Variants in NHLRC2 observed in about 807,000 individuals in gnomAD.
NHLRC2 encodes the protein NHL repeat containing 2.
NHLRC2 carries 33 observed loss-of-function variants against 68.1 expected under a neutral mutation model. The ratio of observed to expected loss-of-function variants is 0.48; its 90% CI spans 0.37 to 0.65. The LOEUF (loss-of-function observed/expected upper bound fraction) is 0.65, where lower values mean the gene tolerates loss of function less well. NHLRC2 is among the 30% of genes least tolerant of loss of function. The probability of loss-of-function intolerance (pLI) is 0.00; values close to 1 mark genes in which losing one functional copy is unlikely to be tolerated. For missense variants in NHLRC2, 761 were observed against 853.8 expected (o/e 0.89, Z 1.35); for synonymous variants, 311 against 309.6 (o/e 1.00, Z -0.05).
intron 1 of NHLRC2, among the ~76,000 whole-genome samples, chr10:113,856,740 A>AT (rs1020927587): frequency 1.7e-4 from 26 of 152,196 alleles, no homozygotes; most frequent in Non-Finnish European, 3.1e-4. Context: ...ACACAGTATG[A>AT]TTTTCTCCTG....
chr10:113,856,668 A>T (rs1443523262), intron 1 of NHLRC2, among the ~76,000 whole-genome samples: 3 of 152,060 alleles, frequency 2.0e-5, no homozygotes, highest in African/African-American at 7.2e-5. Flanking sequence ...TTCCCATGAG[A>T]TTTGACCTCT....
intron 2 of NHLRC2, among the ~76,000 whole-genome samples, chr10:113,868,652 GT>G (rs1376630726): frequency 6.6e-6 from 1 of 152,162 alleles, no homozygotes; most frequent in Non-Finnish European, 1.5e-5. Context: ...TATGTAATTA[GT>G]AGGCATTATA....
At chr10:113,879,727 TACAATC>T (rs1846020064) in intron 4 of NHLRC2, 32 bp downstream of exon 4, 1 of 1,337,868 alleles carries the variant, frequency 7.5e-7, no homozygotes, top group African/African-American at 1.5e-5. Flanking sequence ...TTTTAATACT[TACAATC>T]AGAAAAAGGA....
At chr10:113,873,687 A>G (rs771158782) in intron 2 of NHLRC2, among the ~76,000 whole-genome samples, 27 of 152,204 alleles carry the variant, frequency 1.8e-4, no homozygotes, top group Non-Finnish European at 3.4e-4. Flanking sequence ...GATGGATATA[A>G]AGTAGCAGAG....
chr10:113,900,752 C>T (rs546325799), intron 6 of NHLRC2, among the ~76,000 whole-genome samples: 13 of 152,258 alleles, frequency 8.5e-5, no homozygotes, highest in Admixed American at 4.6e-4. Flanking sequence ...ATATTTTATG[C>T]GTGCTAAATC....
chr10:113,907,364 G>A (rs1464058281), intron 10 of NHLRC2, among the ~76,000 whole-genome samples: 1 of 152,204 alleles, frequency 6.6e-6, no homozygotes, highest in Non-Finnish European at 1.5e-5. Flanking sequence ...CACTCAGTAG[G>A]TGGTCCAGTT....
chr10:113,884,857 G>A (rs1846067524), intron 5 of NHLRC2, among the ~76,000 whole-genome samples: 1 of 151,630 alleles, frequency 6.6e-6, no homozygotes, highest in African/African-American at 2.4e-5. Flanking sequence ...ATTAAAGTAT[G>A]ATAACTTCTT....
At chr10:113,900,717 TTA>T (rs1478276045) in intron 6 of NHLRC2, among the ~76,000 whole-genome samples, 1 of 152,222 alleles carries the variant, frequency 6.6e-6, no homozygotes, top group Non-Finnish European at 1.5e-5. Flanking sequence ...CTTGCTATGT[TTA>T]TATGTTTCTT....
chr10:113,885,344 A>G (rs1846071830), intron 5 of NHLRC2, among the ~76,000 whole-genome samples: 1 of 152,004 alleles, frequency 6.6e-6, no homozygotes, highest in South Asian at 2.1e-4. Flanking sequence ...ATGGAATTGT[A>G]TGTTGTAAAC....
rs149737227 is a variant in NHLRC2 at position 113,868,235 on chromosome 10, T to C, written c.332-8286T>C. ...TTACAATTTTTGATATAGTTTCTCC[T>C]TCCCTCATTCCCTTCTTCCTTGCCC... On this transcript the variant is annotated intron_variant, in intron 2 of 10. Transcript: ENST00000369301. Among the ~76,000 whole-genome samples, 3 of 152,306 alleles carry C rather than the reference T, an allele frequency of 2.0e-5. No individual in the cohort carries two copies. In the East Asian group the frequency reaches 5.8e-4, roughly 29 times the overall value.
chr10:113,876,328 A>G (rs1375900897), intron 2 of NHLRC2, among the ~76,000 whole-genome samples, 193 bp from the exon 3 acceptor site: 1 of 152,080 alleles, frequency 6.6e-6, no homozygotes, highest in East Asian at 1.9e-4. Flanking sequence ...AGTAATCAAG[A>G]TTGTTATGAG....
intron 3 of NHLRC2, among the ~76,000 whole-genome samples, chr10:113,877,193 TCCAGGTCAAAAA>T: frequency 6.6e-6 from 1 of 151,722 alleles, no homozygotes; most frequent in Non-Finnish European, 1.5e-5. Context: ...CTGAAAAAGC[TCCAGGTCAAAAA>T]GAGGAAATAG....
chr10:113,875,176 C>T (rs751189837), intron 2 of NHLRC2, among the ~76,000 whole-genome samples: 23 of 151,938 alleles, frequency 1.5e-4, no homozygotes, highest in Non-Finnish European at 2.5e-4. Context: ...TGTTATAGTC[C>T]TGTAGGGAAC....
At chr10:113,864,297 G>T (rs762877814) in intron 2 of NHLRC2, among the ~76,000 whole-genome samples, 1 of 152,126 alleles carries the variant, frequency 6.6e-6, no homozygotes, top group Admixed American at 6.5e-5. Flanking sequence ...AATGAGTTCC[G>T]GAGATGGAGG....
rs1463499168 is a variant in NHLRC2, at chr10:113,913,573, A to G, written c.*5037A>G. ...TTAAAAGTTCTAACGGTTGGTCTTC[A>G]AAACGTAATTAAGACCTTATCATAA... On this transcript the variant is annotated 3_prime_UTR_variant, in exon 11 of 11. Coordinates refer to ENST00000369301, the MANE Select transcript of NHLRC2 (RefSeq NM_198514.4). The G allele has an allele frequency of 1.3e-5, 2 of 152,326 alleles. No individual in the cohort carries two copies. Among genetic ancestry groups the G allele is most frequent in the African/African-American group, 2.4e-5 (1 of 41,574 alleles). The allele number at this position is 152,326 out of a possible 1,614,324, so 9.4% of individuals were successfully genotyped here. A position where few individuals can be genotyped will look rare whatever the true frequency, so the allele number is the denominator to read the frequency against.
chr10:113,868,366 C>A lies in NHLRC2; in HGVS notation c.332-8155C>A, dbSNP rs75769550. 5.5e-3 allele frequency among the ~76,000 whole-genome samples: 843 copies of A among 152,186 alleles called. 9 individuals carry two copies. The highest frequency in any genetic ancestry group is 0.019 in the African/African-American group (800 of 41,512). On this transcript the variant is annotated intron_variant, in intron 2 of 10. Coordinates refer to ENST00000369301, the MANE Select transcript of NHLRC2 (RefSeq NM_198514.4). Reference sequence around the variant, plus strand: ...ATGTTGGCAAAGGATTCATAAAGGGCAGAATCTTTTACATCCGCTTTTCAG... The same window carrying A: ...ATGTTGGCAAAGGATTCATAAAGGGAAGAATCTTTTACATCCGCTTTTCAG...
At chr10:113,873,308 T>A (rs1414927100) in intron 2 of NHLRC2, among the ~76,000 whole-genome samples, 1 of 152,062 alleles carries the variant, frequency 6.6e-6, no homozygotes, top group African/African-American at 2.4e-5. Context: ...CATGGGTGAG[T>A]AGGGAAACTG....
intron 1 of NHLRC2, among the ~76,000 whole-genome samples, chr10:113,855,811 T>TCCTAAACACTTGAGGGGATA (rs1340183505): frequency 6.6e-6 from 1 of 152,154 alleles, no homozygotes; most frequent in East Asian, 1.9e-4. Flanking sequence ...CCACACACAG[T>TCCTAAACACTTGAGGGGATA]CCTAAACACT....
chr10:113,854,790 A>G lies in NHLRC2; in HGVS notation c.-83A>G. 8.1e-7 allele frequency: 1 copy of G among 1,227,722 alleles called. No individual in the cohort carries two copies. Among genetic ancestry groups the G allele is most frequent in the Non-Finnish European group, 1.1e-6 (1 of 898,346 alleles). 76.1% of individuals were successfully genotyped at this position (1,227,722 alleles called of 1,614,324 possible). Reference sequence around the variant, plus strand: ...GGGTGAGGTGAATGCGCCGTTTGGAAACCACAGGACAGTGAACGTTTCGTC... The same window carrying G: ...GGGTGAGGTGAATGCGCCGTTTGGAGACCACAGGACAGTGAACGTTTCGTC... On this transcript the variant is annotated 5_prime_UTR_variant, in exon 1 of 11. Transcript: ENST00000369301.
Sources: allele counts gnomAD v4.1 joint callset (sites outside exome capture counted in the v4.1 genomes callset), GRCh38; gene constraint gnomAD v4.1.1; transcripts MANE v1.5; gene names NCBI Gene and HGNC (gene_info 2026-07-23, HGNC 2026-07-21).